The following DPP10 variants were observed in gnomAD, a reference collection of about 807,000 sequenced individuals.
The protein encoded by DPP10 is inactive dipeptidyl peptidase 10.
DPP10 carries 33 observed loss-of-function variants against 120.9 expected under a neutral mutation model. That is an observed-to-expected ratio of 0.27 (90% CI 0.21 to 0.37). The LOEUF is 0.37. Ranked by LOEUF, DPP10 falls within the 10% of genes least tolerant of loss-of-function variation. The pLI is 1.00. For synonymous variants in DPP10, 337 were observed against 326.1 expected, an observed-to-expected ratio of 1.03 and a Z score of -0.36; for missense variants, 816 against 942.8, an observed-to-expected ratio of 0.87 and a Z score of 1.76.
rs538061586 is a variant in DPP10 at position 115,794,345 on chromosome 2, A to G, written c.1700+2989A>G. Among the ~76,000 whole-genome samples, 68 of 152,342 alleles carry G rather than the reference A, an allele frequency of 4.5e-4. No homozygotes were observed. The Middle Eastern group carries it at 0.017, about 38-fold the overall frequency. ...TGGCTGAAAGAAAGACTGCCCTGGA[A>G]GAAAGTGGCCTCTGGCAATTTGGAA... On this transcript the variant is annotated intron_variant, in intron 19 of 25. Transcript: ENST00000410059.
chr2:114,772,149 ATAT>A (rs899230000), intron 1 of DPP10, among the ~76,000 whole-genome samples: 45 of 150,684 alleles, frequency 3.0e-4, no homozygotes, highest in Admixed American at 4.6e-4. Flanking sequence ...TTATTTATTA[ATAT>A]TATTATTAAT....
At chr2:115,806,603 C>T (rs1559180145) in intron 19 of DPP10, among the ~76,000 whole-genome samples, 1 of 152,126 alleles carries the variant, frequency 6.6e-6, no homozygotes, top group Non-Finnish European at 1.5e-5. Flanking sequence ...GGATGAAATA[C>T]AGGTTGAAAG....
chr2:115,235,867 G>T lies in DPP10; in HGVS notation c.61-73372G>T, dbSNP rs556391420. On this transcript the variant is annotated intron_variant, in intron 1 of 25. Coordinates refer to ENST00000410059, the MANE Select transcript of DPP10 (RefSeq NM_020868.6). ...TGAGCCACTGCGCAGCCAAGCTGACGTTTCTTACAGCTATTGCCTCAAATA... is the reference window on the plus strand; with the variant it reads ...TGAGCCACTGCGCAGCCAAGCTGACTTTTCTTACAGCTATTGCCTCAAATA... 9.2e-5 allele frequency among the ~76,000 whole-genome samples: 14 copies of T among 152,154 alleles called. No homozygotes were observed. In the East Asian group the frequency reaches 2.7e-3, roughly 30 times the overall value.
intron 3 of DPP10, among the ~76,000 whole-genome samples, chr2:115,422,781 C>A (rs1237493442): frequency 2.0e-5 from 3 of 152,078 alleles, no homozygotes; most frequent in Non-Finnish European, 4.4e-5. Flanking sequence ...TTGTCCATGT[C>A]CCCATGAGTT....
intron 1 of DPP10, among the ~76,000 whole-genome samples, chr2:114,705,505 C>A (rs1445235289): frequency 6.6e-6 from 1 of 152,012 alleles, no homozygotes; most frequent in Non-Finnish European, 1.5e-5. Flanking sequence ...TTATAACTCA[C>A]ATCTGTCTTA....
chr2:115,750,550 C>G (rs2149737428), intron 10 of DPP10, among the ~76,000 whole-genome samples: 1 of 152,282 alleles, frequency 6.6e-6, no homozygotes, highest in South Asian at 2.1e-4. Context: ...AATGAGGTAT[C>G]TCACATCAGA....
intron 1 of DPP10, among the ~76,000 whole-genome samples, chr2:114,951,393 C>A (rs183963060): frequency 8.5e-5 from 13 of 152,232 alleles, no homozygotes; most frequent in East Asian, 1.9e-4. Context: ...ACAATCCCTG[C>A]AGATTTCTAT....
intron 1 of DPP10, among the ~76,000 whole-genome samples, chr2:115,219,256 C>A (rs2057005770): frequency 6.6e-6 from 1 of 152,048 alleles, no homozygotes; most frequent in African/African-American, 2.4e-5. Context: ...ATTTATATTT[C>A]TAGACCAAAA....
chr2:115,264,148 G>A (rs1032602516), intron 1 of DPP10, among the ~76,000 whole-genome samples: 9 of 152,146 alleles, frequency 5.9e-5, no homozygotes, highest in African/African-American at 2.2e-4. Flanking sequence ...ATATTTTTTA[G>A]TACTTTAATT....
intron 1 of DPP10, among the ~76,000 whole-genome samples, chr2:115,050,609 G>C (rs1410188177): frequency 6.6e-6 from 1 of 152,158 alleles, no homozygotes; most frequent in African/African-American, 2.4e-5. Context: ...AGATTGAAAT[G>C]CTTTGGGGAA....
chr2:115,804,764 A>T (rs1438026470), intron 19 of DPP10, among the ~76,000 whole-genome samples: 2 of 152,150 alleles, frequency 1.3e-5, no homozygotes, highest in Non-Finnish European at 1.5e-5. Flanking sequence ...TGAACCGCAA[A>T]TGCTGCTGCC....
At chr2:115,663,156 A>G (rs920489284) in intron 5 of DPP10, among the ~76,000 whole-genome samples, 1 of 152,128 alleles carries the variant, frequency 6.6e-6, no homozygotes. Context: ...AAACAATCCA[A>G]TTACATTATT....
intron 1 of DPP10, among the ~76,000 whole-genome samples, chr2:114,580,923 C>T (rs1690455242): frequency 6.6e-6 from 1 of 152,016 alleles, no homozygotes; most frequent in Admixed American, 6.6e-5. Context: ...CCATGCTTTG[C>T]TTTGCCTCTT....
At chr2:114,848,761 G>A (rs1486892225) in intron 1 of DPP10, among the ~76,000 whole-genome samples, 1 of 152,202 alleles carries the variant, frequency 6.6e-6, no homozygotes. Flanking sequence ...AGGTCAGAAA[G>A]CTTTTGCAGC....
chr2:114,507,311 A>T (rs1255120577), intron 1 of DPP10, among the ~76,000 whole-genome samples: 1 of 152,088 alleles, frequency 6.6e-6, no homozygotes, highest in Non-Finnish European at 1.5e-5. Flanking sequence ...AGCCTCCTAA[A>T]GTGCTGGCAT....
At chr2:114,792,576 T>C (rs1030807600) in intron 1 of DPP10, among the ~76,000 whole-genome samples, 1 of 152,214 alleles carries the variant, frequency 6.6e-6, no homozygotes, top group African/African-American at 2.4e-5. Context: ...TCCCCATTTT[T>C]CTCTGATAAG....
intron 3 of DPP10, among the ~76,000 whole-genome samples, chr2:115,482,547 C>G (rs920825293): frequency 6.6e-6 from 1 of 151,966 alleles, no homozygotes; most frequent in Non-Finnish European, 1.5e-5. Context: ...TTCCTCCCCC[C>G]AGTCTCTAGC....
intron 1 of DPP10, among the ~76,000 whole-genome samples, chr2:114,720,123 C>G (rs1701610699): frequency 1.3e-5 from 2 of 152,178 alleles, no homozygotes. Context: ...CGGAGAACAG[C>G]TTCATTCAGT....
intron 1 of DPP10, among the ~76,000 whole-genome samples, chr2:115,159,925 T>C (rs1317083151): frequency 6.6e-6 from 1 of 152,198 alleles, no homozygotes; most frequent in Non-Finnish European, 1.5e-5. Flanking sequence ...ATCTCTGTAA[T>C]AAAGTAAATT....
Sources: allele counts gnomAD v4.1 joint callset (sites outside exome capture counted in the v4.1 genomes callset), GRCh38; gene constraint gnomAD v4.1.1; transcripts MANE v1.5; gene names NCBI Gene and HGNC (gene_info 2026-07-23, HGNC 2026-07-21).